DIAPH3: variants seen among roughly 807,000 people sequenced by gnomAD.
The protein encoded by DIAPH3 is diaphanous related formin 3, also known as protein diaphanous homolog 3.
A neutral mutation model predicts 144.3 loss-of-function variants in DIAPH3; 117 were observed. That is an observed-to-expected ratio of 0.81 (90% confidence interval 0.70 to 0.95). The LOEUF (loss-of-function observed/expected upper bound fraction) is 0.95. DIAPH3 is among the 40% of genes least tolerant of loss of function. The pLI is 0.00. For missense variants in DIAPH3, 1,421 were observed against 1,412.7 expected (o/e 1.01, Z -0.09); for synonymous variants, 519 against 488.9 (o/e 1.06, Z -0.81).
chr13:60,060,797 A>T (rs1373790110), intron 4 of DIAPH3, among the ~76,000 whole-genome samples: 1 of 152,046 alleles, frequency 6.6e-6, no homozygotes, highest in African/African-American at 2.4e-5. Context: ...AAATTCACAA[A>T]CATGAAAATT....
intron 5 of DIAPH3, among the ~76,000 whole-genome samples, chr13:60,021,328 T>C (rs186883445): frequency 5.8e-4 from 88 of 151,814 alleles, no homozygotes; most frequent in African/African-American, 2.1e-3. Flanking sequence ...AGAAAGAGAG[T>C]CAAAGCATAA....
At chr13:60,045,508 A>G (rs1256450903) in intron 4 of DIAPH3, among the ~76,000 whole-genome samples, 1 of 152,224 alleles carries the variant, frequency 6.6e-6, no homozygotes, top group Non-Finnish European at 1.5e-5. Flanking sequence ...ACATATTCCA[A>G]TTCAAAACAT....
intron 27 of DIAPH3, among the ~76,000 whole-genome samples, chr13:59,719,459 CA>C (rs1399229302): frequency 4.6e-5 from 7 of 152,002 alleles, no homozygotes; most frequent in African/African-American, 1.4e-4. Flanking sequence ...TGGCTCTAAG[CA>C]AAAAGGTGAA....
In DIAPH3 at chr13:60,000,696, AC is replaced by A. The variant is rs1594285952; in HGVS notation, c.1014+7847del. 3.9e-5 allele frequency among the ~76,000 whole-genome samples: 6 copies of A among 152,324 alleles called. No individual in the cohort carries two copies. In the East Asian group the frequency reaches 1.2e-3, roughly 29 times the overall value. On this transcript the variant is annotated intron_variant, in intron 9 of 27. Transcript: ENST00000400324. ...GATTCACATCAAACCATCAAAGACAACCAAACAATTTTTTCTCTCTGAAACA... is the reference window on the plus strand; with the variant it reads ...GATTCACATCAAACCATCAAAGACAACAAACAATTTTTTCTCTCTGAAACA...
Position 60,069,815 on chromosome 13 carries a change from A to G in DIAPH3, c.495+23813T>C, listed in dbSNP as rs570845729. Among the ~76,000 whole-genome samples, 3 of 152,040 alleles carry G rather than the reference A, an allele frequency of 2.0e-5. No individual in the cohort carries two copies. The South Asian group carries it at 6.2e-4, about 32-fold the overall frequency. The stretch of plus-strand genomic sequence containing the variant: ...GTATGGCTTTATTTCTCATTTCTCT[A>G]ACTTGTTCCATTGGTCTATATGTCT... On this transcript the variant is annotated intron_variant, in intron 4 of 27. Coordinates refer to ENST00000400324, the MANE Select transcript of DIAPH3 (RefSeq NM_001042517.2).
chr13:60,106,088 CA>C (rs2058411835), intron 3 of DIAPH3, among the ~76,000 whole-genome samples: 1 of 152,000 alleles, frequency 6.6e-6, no homozygotes, highest in South Asian at 2.1e-4. Context: ...ACCTCTATAC[CA>C]AAAATATCAA....
intron 3 of DIAPH3, among the ~76,000 whole-genome samples, chr13:60,101,849 C>G (rs1248840546): frequency 6.6e-6 from 1 of 152,124 alleles, no homozygotes; most frequent in East Asian, 1.9e-4. Context: ...CCAGTAAAAA[C>G]CTCCAGTTTC....
intron 17 of DIAPH3, among the ~76,000 whole-genome samples, chr13:59,954,453 T>G (rs1035214771): frequency 2.0e-5 from 3 of 152,178 alleles, no homozygotes; most frequent in Non-Finnish European, 4.4e-5. Flanking sequence ...TTGTAGGACA[T>G]GCTTATTCAT....
At position 59,756,789 on chromosome 13, in the gene DIAPH3, T is replaced by C. The variant is rs140144685; in HGVS notation, c.3319+17400A>G. Among the ~76,000 whole-genome samples the C allele has an allele frequency of 1.4e-3, 208 of 152,252 alleles. 1 individual carries two copies. Among genetic ancestry groups the C allele is most frequent in the African/African-American group, 4.8e-3 (199 of 41,548 alleles). ...TGTCTCTGATTTTCATTCACCTATT[T>C]CCAACCCATTACTCCAGTACATCAG... On this transcript the variant is annotated intron_variant, in intron 27 of 27. Transcript: ENST00000400324.
At chr13:59,780,501 T>C (rs341537) in intron 25 of DIAPH3, among the ~76,000 whole-genome samples, 100,658 of 152,118 alleles carry the variant, frequency 0.66, 33,772 homozygotes, top group East Asian at 0.72. Flanking sequence ...AAAATATTTA[T>C]AGTTTCTCCC....
At chr13:59,696,256 G>A (rs573350937) in intron 27 of DIAPH3, 1 of 152,102 alleles carries the variant, frequency 6.6e-6, no homozygotes, top group Non-Finnish European at 1.5e-5. Flanking sequence ...ATAGCTCAAT[G>A]GATTTCATAT....
chr13:59,861,174 T>C, intron 22 of DIAPH3: 1 of 1,381,072 alleles, frequency 7.2e-7, no homozygotes, highest in Non-Finnish European at 9.5e-7. Context: ...GTTTAAACTG[T>C]AAAACAAAGT....
intron 27 of DIAPH3, among the ~76,000 whole-genome samples, chr13:59,701,166 T>C (rs752045746): frequency 6.6e-6 from 1 of 152,250 alleles, no homozygotes; most frequent in Non-Finnish European, 1.5e-5. Flanking sequence ...TTAATTTTAG[T>C]TGCGTGCATT....
intron 17 of DIAPH3, among the ~76,000 whole-genome samples, chr13:59,941,630 T>C (rs1274409565): frequency 3.3e-5 from 5 of 152,156 alleles, no homozygotes; most frequent in African/African-American, 1.2e-4. Context: ...CTTGTGACAA[T>C]ATCTTGCTTT....
At chr13:59,957,984 C>T (rs1465790375) in intron 17 of DIAPH3, among the ~76,000 whole-genome samples, 3 of 152,066 alleles carry the variant, frequency 2.0e-5, no homozygotes, top group African/African-American at 7.2e-5. Context: ...AAAGAAGAGC[C>T]CTGCTTCAGG....
intron 4 of DIAPH3, among the ~76,000 whole-genome samples, chr13:60,082,901 T>C (rs1167006462): frequency 1.3e-5 from 2 of 152,124 alleles, no homozygotes; most frequent in African/African-American, 2.4e-5. Flanking sequence ...AAATAGCAGT[T>C]GGAGACAGAA....
intron 27 of DIAPH3, among the ~76,000 whole-genome samples, chr13:59,765,812 A>T (rs1039367763): frequency 2.6e-5 from 4 of 152,168 alleles, no homozygotes; most frequent in Non-Finnish European, 5.9e-5. Flanking sequence ...CTGACCTTTA[A>T]GGAGGGCAAA....
rs138091603 is a variant in DIAPH3, at chr13:59,933,748, G to A, written c.2075-8878C>T. 4.0e-3 allele frequency among the ~76,000 whole-genome samples: 613 copies of A among 152,274 alleles called. 5 individuals are homozygous for A. The highest frequency in any genetic ancestry group is 0.014 in the African/African-American group (595 of 41,548). ...TTTTATAAGGGTTTTATGTCAGAAT[G>A]AAGTCAAAGATGACAAAAGTTCCTA... On this transcript the variant is annotated intron_variant, in intron 17 of 27. Coordinates refer to ENST00000400324, the MANE Select transcript of DIAPH3 (RefSeq NM_001042517.2).
At chr13:59,937,961 T>C (rs1043473685) in intron 17 of DIAPH3, among the ~76,000 whole-genome samples, 1 of 152,202 alleles carries the variant, frequency 6.6e-6, no homozygotes, top group Non-Finnish European at 1.5e-5. Flanking sequence ...ATCTGGACTT[T>C]CTGATACGTA....
Sources: allele counts gnomAD v4.1 joint callset (sites outside exome capture counted in the v4.1 genomes callset), GRCh38; gene constraint gnomAD v4.1.1; transcripts MANE v1.5; gene names NCBI Gene and HGNC (gene_info 2026-07-23, HGNC 2026-07-21).